FHIT: variants seen among roughly 807,000 people sequenced by gnomAD.
FHIT encodes bis(5'-adenosyl)-triphosphatase.
In FHIT, 19 loss-of-function variants were observed where a neutral mutation model predicts 17.9. That is an observed-to-expected ratio of 1.06 (90% CI 0.74 to 1.56). The LOEUF (loss-of-function observed/expected upper bound fraction) is 1.56. Among genes scored for constraint, FHIT ranks in the 40% most tolerant of loss-of-function variants. FHIT has a pLI of 0.00. For missense variants in FHIT, 248 were observed against 189.2 expected (o/e 1.31, Z -1.82); for synonymous variants, 81 against 69.7 (o/e 1.16, Z -0.81).
intron 8 of FHIT, among the ~76,000 whole-genome samples, chr3:59,850,639 C>T (rs1701897067): frequency 1.3e-5 from 2 of 152,134 alleles, no homozygotes; most frequent in African/African-American, 2.4e-5. Context: ...CATGGCCACC[C>T]CAAGGAACTT....
chr3:59,954,779 G>A (rs917002613), intron 7 of FHIT, among the ~76,000 whole-genome samples: 10 of 152,158 alleles, frequency 6.6e-5, no homozygotes, highest in African/African-American at 2.4e-4. Flanking sequence ...CAGAATGCTA[G>A]GAGGGACCAG....
chr3:61,211,740 A>C (rs2039482824), intron 1 of FHIT, among the ~76,000 whole-genome samples: 1 of 152,202 alleles, frequency 6.6e-6, no homozygotes, highest in Non-Finnish European at 1.5e-5. Context: ...CGAGCAGCCT[A>C]ACTGGGAGGC....
chr3:61,140,815 A>C (rs2037060088), intron 2 of FHIT, among the ~76,000 whole-genome samples: 1 of 152,222 alleles, frequency 6.6e-6, no homozygotes, highest in Non-Finnish European at 1.5e-5. Context: ...ACATTGAGAC[A>C]CTAGGGAGCA....
At chr3:60,405,189 T>C (rs192697209) in intron 5 of FHIT, among the ~76,000 whole-genome samples, 9 of 152,320 alleles carry the variant, frequency 5.9e-5, no homozygotes, top group African/African-American at 2.2e-4. Flanking sequence ...ACTGAGAATT[T>C]GTCTTCCCAT....
intron 5 of FHIT, among the ~76,000 whole-genome samples, chr3:60,449,147 G>A (rs936209372): frequency 2.0e-5 from 3 of 152,124 alleles, no homozygotes; most frequent in African/African-American, 7.2e-5. Flanking sequence ...GTATCTTTGA[G>A]AGGGAAAAAC....
At chr3:59,926,746 T>A (rs933045677) in intron 7 of FHIT, among the ~76,000 whole-genome samples, 3 of 152,178 alleles carry the variant, frequency 2.0e-5, no homozygotes, top group Non-Finnish European at 4.4e-5. Flanking sequence ...TTATTAGTCA[T>A]TAGGGAAATG....
chr3:60,955,088 C>T (rs149288273), intron 3 of FHIT, among the ~76,000 whole-genome samples: 1,739 of 152,138 alleles, frequency 0.011, 20 homozygotes, highest in Middle Eastern at 0.02. Flanking sequence ...CCTAAGAAAA[C>T]GTTAAGTCAA....
chr3:59,904,346 C>A (rs772669224), intron 8 of FHIT, among the ~76,000 whole-genome samples: 1 of 149,138 alleles, frequency 6.7e-6, no homozygotes, highest in Non-Finnish European at 1.5e-5. Context: ...CAGGAAGGAG[C>A]GAGGGAAGGT....
intron 5 of FHIT, among the ~76,000 whole-genome samples, chr3:60,274,017 T>G (rs888573655): frequency 9.9e-5 from 15 of 152,210 alleles, no homozygotes; most frequent in African/African-American, 3.6e-4. Flanking sequence ...AATTACATTT[T>G]GGCAGTAATG....
chr3:60,356,384 T>G (rs1243992798), intron 5 of FHIT, among the ~76,000 whole-genome samples: 1 of 152,286 alleles, frequency 6.6e-6, no homozygotes, highest in South Asian at 2.1e-4. Flanking sequence ...ATCGCATAAT[T>G]TTTTATGTTC....
chr3:60,232,472 CT>C (rs1302656445), intron 5 of FHIT, among the ~76,000 whole-genome samples: 2 of 152,154 alleles, frequency 1.3e-5, no homozygotes, highest in African/African-American at 4.8e-5. Context: ...TTTGTCTCCT[CT>C]TTTTCTATTG....
At chr3:60,404,894 C>A (rs969161126) in intron 5 of FHIT, among the ~76,000 whole-genome samples, 3 of 152,070 alleles carry the variant, frequency 2.0e-5, no homozygotes, top group African/African-American at 7.2e-5. Context: ...GAGTAGGAAG[C>A]AATACAGGAA....
At chr3:59,792,705 A>G (rs1699615059) in intron 8 of FHIT, among the ~76,000 whole-genome samples, 1 of 152,204 alleles carries the variant, frequency 6.6e-6, no homozygotes, top group African/African-American at 2.4e-5. Context: ...TGGTGACAAC[A>G]ATCATGATAA....
chr3:61,102,108 A>T (rs1418248003), intron 2 of FHIT, among the ~76,000 whole-genome samples: 1 of 152,146 alleles, frequency 6.6e-6, no homozygotes, highest in Non-Finnish European at 1.5e-5. Flanking sequence ...AGGAGTGGTG[A>T]GAGAGGGCAT....
At chr3:61,128,976 A>G (rs1282543932) in intron 2 of FHIT, among the ~76,000 whole-genome samples, 1 of 152,172 alleles carries the variant, frequency 6.6e-6, no homozygotes, top group Non-Finnish European at 1.5e-5. Context: ...TGTGACCTAC[A>G]TAAATTCTAA....
intron 3 of FHIT, among the ~76,000 whole-genome samples, chr3:60,976,235 T>C (rs999556215): frequency 6.7e-6 from 1 of 150,204 alleles, no homozygotes; most frequent in Non-Finnish European, 1.5e-5. Context: ...GCCTCCCAAG[T>C]AGCTGGAATT....
At chr3:60,041,527 G>A (rs1452921502) in intron 5 of FHIT, among the ~76,000 whole-genome samples, 1 of 152,212 alleles carries the variant, frequency 6.6e-6, no homozygotes, top group African/African-American at 2.4e-5. Flanking sequence ...GGCCAGTGGA[G>A]AAAACAAGGA....
chr3:60,525,015 G>T (rs1043111634), intron 5 of FHIT, among the ~76,000 whole-genome samples: 7 of 152,154 alleles, frequency 4.6e-5, no homozygotes, highest in Non-Finnish European at 8.8e-5. Flanking sequence ...GATGGCAGGG[G>T]GTGGATGGAG....
At chr3:60,802,092 A>C (rs558177907) in intron 4 of FHIT, among the ~76,000 whole-genome samples, 2 of 152,218 alleles carry the variant, frequency 1.3e-5, no homozygotes, top group Non-Finnish European at 2.9e-5. Flanking sequence ...TTATGAGAGA[A>C]TTTCTGCCAA....
Sources: gnomAD v4.1 joint callset for allele counts (sites outside exome capture counted in the v4.1 genomes callset) on GRCh38, gnomAD v4.1.1 for gene constraint, MANE v1.5 for transcripts, NCBI Gene and HGNC (gene_info 2026-07-23, HGNC 2026-07-21) for gene names.